The following SDK1 variants were observed in gnomAD, a reference collection of about 807,000 sequenced individuals.
SDK1 encodes the protein protein sidekick-1.
A neutral mutation model predicts 245.5 loss-of-function variants in SDK1; 157 were observed. The ratio of observed to expected loss-of-function variants is 0.64; its 90% CI spans 0.56 to 0.73. The LOEUF (loss-of-function observed/expected upper bound fraction) is 0.73, where lower values mean the gene tolerates loss of function less well. SDK1 is among the 30% of genes least tolerant of loss of function. The pLI, the probability that SDK1 is intolerant of heterozygous loss-of-function variation, is 0.00. For synonymous variants in SDK1, 1,647 were observed against 1,278.5 expected (o/e 1.29, Z -6.15); for missense variants, 3,583 against 3,002.3 (o/e 1.19, Z -4.52).
intron 1 of SDK1, among the ~76,000 whole-genome samples, chr7:3,448,680 C>T (rs1780418484): frequency 1.3e-5 from 2 of 152,010 alleles, no homozygotes; most frequent in African/African-American, 4.8e-5. Flanking sequence ...GATATCTAGC[C>T]ACTTATTATG....
chr7:3,493,855 C>CA (rs1781940174), intron 1 of SDK1, among the ~76,000 whole-genome samples: 1 of 152,184 alleles, frequency 6.6e-6, no homozygotes, highest in Non-Finnish European at 1.5e-5. Flanking sequence ...GAATTGGCAC[C>CA]AAAGTTCCAC....
intron 4 of SDK1, among the ~76,000 whole-genome samples, chr7:3,766,413 A>C: frequency 6.6e-6 from 1 of 152,168 alleles, no homozygotes; most frequent in Admixed American, 6.5e-5. Flanking sequence ...CTGAAGTTAG[A>C]CTACCTTGAT....
In SDK1 at chr7:4,012,147, AG is replaced by A. The variant is rs1786026266; in HGVS notation, c.2333del (p.Ser778MetfsTer50). 6.3e-7 allele frequency: 1 copy of A among 1,578,744 alleles called. No individual in the cohort carries two copies. The highest frequency in any genetic ancestry group is 1.4e-5 in the African/African-American group (1 of 73,126). Reference sequence around the variant, plus strand: ...TGCTCCCCCGAAAAATATAGTGGCCAGTGGGCGGACTAATCAGTCCATTATG... The same window carrying A: ...TGCTCCCCCGAAAAATATAGTGGCCATGGGCGGACTAATCAGTCCATTATG... ...PSAPPKNIVA[S>X]GRTNQSIMVQ... On this transcript the variant is annotated frameshift_variant, in exon 16 of 45. Transcript: ENST00000404826. LOFTEE classifies it high-confidence loss of function.
chr7:3,631,400 T>G (rs556392339), intron 2 of SDK1, among the ~76,000 whole-genome samples: 1 of 152,360 alleles, frequency 6.6e-6, no homozygotes, highest in African/African-American at 2.4e-5. Flanking sequence ...AAGGGCTTAA[T>G]TTCTCTAGTT....
chr7:3,924,584 TTAC>T (rs1341906168), intron 5 of SDK1, among the ~76,000 whole-genome samples: 1 of 152,184 alleles, frequency 6.6e-6, no homozygotes, highest in Non-Finnish European at 1.5e-5. Flanking sequence ...TTATCATCTG[TTAC>T]CAGTGACAGT....
intron 17 of SDK1, among the ~76,000 whole-genome samples, chr7:4,046,811 C>CCA: frequency 6.9e-6 from 1 of 145,826 alleles, no homozygotes; most frequent in African/African-American, 2.7e-5. Flanking sequence ...TAGGAGATAT[C>CCA]TAGCTGTGAT....
chr7:3,677,797 C>T (rs1001681244), intron 4 of SDK1, among the ~76,000 whole-genome samples: 10 of 152,146 alleles, frequency 6.6e-5, no homozygotes, highest in African/African-American at 1.7e-4. Flanking sequence ...GAGGGATAGA[C>T]ACATAGTTCA....
At chr7:3,573,447 G>C (rs916353363) in intron 1 of SDK1, among the ~76,000 whole-genome samples, 21 of 150,534 alleles carry the variant, frequency 1.4e-4, no homozygotes, top group African/African-American at 5.1e-4. Flanking sequence ...TTGTTCAAGG[G>C]CCCAGGGAAG....
intron 1 of SDK1, among the ~76,000 whole-genome samples, chr7:3,354,457 G>A (rs761296865): frequency 4.6e-5 from 7 of 152,186 alleles, no homozygotes; most frequent in Non-Finnish European, 8.8e-5. Context: ...TGGTTCCAAT[G>A]ATTATTCGAG....
At chr7:3,576,305 G>A (rs1229259867) in intron 1 of SDK1, among the ~76,000 whole-genome samples, 1 of 152,122 alleles carries the variant, frequency 6.6e-6, no homozygotes, top group South Asian at 2.1e-4. Context: ...GCCACACCCA[G>A]GTGAAAGCTT....
chr7:4,009,075 T>C (rs1271632171), intron 14 of SDK1, among the ~76,000 whole-genome samples: 2 of 152,240 alleles, frequency 1.3e-5, no homozygotes, highest in African/African-American at 4.8e-5. Flanking sequence ...TCTGTTTGTG[T>C]GTATGTGTTT....
At chr7:3,968,819 G>T (rs1219283176) in intron 10 of SDK1, among the ~76,000 whole-genome samples, 9 of 152,054 alleles carry the variant, frequency 5.9e-5, no homozygotes, top group Non-Finnish European at 1.3e-4. Flanking sequence ...TTTCTTTGTT[G>T]TATTAGTCCA....
At chr7:3,887,790 T>A (rs536400527) in intron 5 of SDK1, among the ~76,000 whole-genome samples, 95 of 152,344 alleles carry the variant, frequency 6.2e-4, no homozygotes, top group South Asian at 2.3e-3. Context: ...CGGGCAGTAC[T>A]CAGCCATTGT....
intron 1 of SDK1, among the ~76,000 whole-genome samples, chr7:3,391,844 G>A (rs1014602995): frequency 6.6e-6 from 1 of 151,612 alleles, no homozygotes; most frequent in African/African-American, 2.4e-5. Flanking sequence ...GCCCAGGCTG[G>A]TCTCAAACTC....
intron 4 of SDK1, among the ~76,000 whole-genome samples, chr7:3,786,409 C>T (rs186108379): frequency 1.1e-4 from 16 of 152,286 alleles, no homozygotes; most frequent in Admixed American, 8.5e-4. Flanking sequence ...TCTCCTCTTT[C>T]TCACTTAAAA....
At chr7:3,336,424 C>T (rs1054692614) in intron 1 of SDK1, among the ~76,000 whole-genome samples, 8 of 152,232 alleles carry the variant, frequency 5.3e-5, no homozygotes, top group Admixed American at 1.3e-4. Flanking sequence ...GTCAGCAAGG[C>T]CCAGGTTAGG....
chr7:3,875,249 A>G (rs547259884), intron 5 of SDK1, among the ~76,000 whole-genome samples: 1 of 152,310 alleles, frequency 6.6e-6, no homozygotes, highest in Non-Finnish European at 1.5e-5. Flanking sequence ...AGAGTCAAGA[A>G]AAGTCATTAG....
intron 1 of SDK1, among the ~76,000 whole-genome samples, chr7:3,386,587 C>A (rs1405292124): frequency 1.3e-5 from 2 of 152,166 alleles, no homozygotes; most frequent in African/African-American, 4.8e-5. Context: ...ACTTTCTGAG[C>A]TTCTATAAAC....
chr7:3,346,781 A>ACG (rs1780512748), intron 1 of SDK1, among the ~76,000 whole-genome samples: 2 of 114,180 alleles, frequency 1.8e-5, no homozygotes, highest in African/African-American at 7.4e-5. Context: ...ATATGTATAC[A>ACG]TATATATGTA....
Sources: gnomAD v4.1 joint callset for allele counts (sites outside exome capture counted in the v4.1 genomes callset) on GRCh38, gnomAD v4.1.1 for gene constraint, MANE v1.5 for transcripts, NCBI Gene and HGNC (gene_info 2026-07-23, HGNC 2026-07-21) for gene names.